ADGRB1: variants seen among roughly 807,000 people sequenced by gnomAD.
ADGRB1 encodes the protein adhesion G protein-coupled receptor B1.
In ADGRB1, 36 loss-of-function variants were observed where a neutral mutation model predicts 175.7. The ratio of observed to expected loss-of-function variants is 0.20; its 90% CI spans 0.16 to 0.27. The LOEUF is 0.27. ADGRB1 is among the 10% of genes least tolerant of loss of function. The probability of loss-of-function intolerance (pLI) is 1.00; values close to 1 mark genes in which losing one functional copy is unlikely to be tolerated. For synonymous variants in ADGRB1, 1,054 were observed against 979.4 expected (o/e 1.08, Z -1.42); for missense variants, 1,731 against 2,255.3 (o/e 0.77, Z 4.71).
At chr8:142,491,099 G>T (rs567588317) in intron 17 of ADGRB1, among the ~76,000 whole-genome samples, 1 of 152,276 alleles carries the variant, frequency 6.6e-6, no homozygotes, top group East Asian at 1.9e-4. Flanking sequence ...CCTGCCACCT[G>T]CCCCCAGCCC....
At chr8:142,494,938 G>A (rs926189744) in intron 17 of ADGRB1, among the ~76,000 whole-genome samples, 11 of 152,088 alleles carry the variant, frequency 7.2e-5, no homozygotes, top group African/African-American at 1.4e-4. Context: ...TGCCCCTACC[G>A]TAGCCCATCC....
intron 24 of ADGRB1, among the ~76,000 whole-genome samples, chr8:142,532,277 CTCTG>C (rs1844667068): frequency 1.3e-5 from 2 of 152,222 alleles, no homozygotes; most frequent in African/African-American, 2.4e-5. Context: ...TCCTGCTGGC[CTCTG>C]TCTGTGTTCC....
At position 142,470,394 on chromosome 8, in the gene ADGRB1, C is replaced by T. The variant is rs182552070; in HGVS notation, c.785-5080C>T. 6.0e-3 allele frequency among the ~76,000 whole-genome samples: 913 copies of T among 151,730 alleles called. 8 individuals carry two copies. Among genetic ancestry groups the T allele is most frequent in the African/African-American group, 0.021 (858 of 41,400 alleles). ...GCCTGGGAGCAAGTGTGTGTGTCCT[C>T]GTGTGTGTGTGTGTCCCTATGTGTC... On this transcript the variant is annotated intron_variant, in intron 2 of 30. Coordinates refer to ENST00000517894, the MANE Select transcript of ADGRB1 (RefSeq NM_001702.3).
chr8:142,489,757 C>G (rs1248654950), intron 16 of ADGRB1, among the ~76,000 whole-genome samples: 1 of 152,172 alleles, frequency 6.6e-6, no homozygotes, highest in Non-Finnish European at 1.5e-5. Flanking sequence ...TGACTTCTGG[C>G]CCCCTAACGC....
At chr8:142,513,887 G>T (rs943046511) in intron 18 of ADGRB1, among the ~76,000 whole-genome samples, 1 of 152,074 alleles carries the variant, frequency 6.6e-6, no homozygotes, top group Non-Finnish European at 1.5e-5. Flanking sequence ...CGCAAGGCCT[G>T]GGGGGCTGCG....
At chr8:142,470,227 TC>T (rs1840583790) in intron 2 of ADGRB1, among the ~76,000 whole-genome samples, 1 of 151,994 alleles carries the variant, frequency 6.6e-6, no homozygotes, top group Admixed American at 6.6e-5. Flanking sequence ...CATCACTTCC[TC>T]CCCACTGCCT....
Position 142,464,131 on chromosome 8 carries a change from G to A in ADGRB1, c.-68G>A. ...CCGGCCCTGCCCGCCGCCGGACCCT[G>A]GCATGTCAAGACCTGGTCCGCGCCT... is the stretch of plus-strand genomic sequence containing the variant. On this transcript the variant is annotated 5_prime_UTR_variant, in exon 2 of 31. Coordinates refer to ENST00000517894, the MANE Select transcript of ADGRB1 (RefSeq NM_001702.3). 1 of 1,192,578 alleles carries A rather than the reference G, an allele frequency of 8.4e-7. No homozygotes were observed. Among genetic ancestry groups the A allele is most frequent in the Non-Finnish European group, 1.0e-6 (1 of 961,282 alleles). 73.9% of individuals were successfully genotyped at this position (1,192,578 alleles called of 1,614,324 possible).
chr8:142,490,895 G>A (rs975320735), intron 17 of ADGRB1, 80 bp downstream of exon 17: 95 of 1,506,174 alleles, frequency 6.3e-5, no homozygotes, highest in Non-Finnish European at 8.3e-5. Flanking sequence ...GAGGGGTGCA[G>A]GTTTCAGGTC....
intron 25 of ADGRB1, among the ~76,000 whole-genome samples, chr8:142,533,824 C>T (rs761420099): frequency 1.3e-5 from 2 of 152,210 alleles, no homozygotes; most frequent in Admixed American, 6.5e-5. Context: ...CTCCTGCTTC[C>T]GGCGTTTTCT....
intron 17 of ADGRB1, among the ~76,000 whole-genome samples, chr8:142,498,951 G>A (rs923899993): frequency 2.6e-5 from 4 of 152,268 alleles, no homozygotes; most frequent in Non-Finnish European, 4.4e-5. Flanking sequence ...CGGGGCCCCA[G>A]CCTCTCTCTC....
At chr8:142,450,798 G>A (rs1236087686) in intron 1 of ADGRB1, among the ~76,000 whole-genome samples, 2 of 152,088 alleles carry the variant, frequency 1.3e-5, no homozygotes, top group Non-Finnish European at 2.9e-5. Context: ...CTATTTTTGC[G>A]CCCCCCACCC....
Position 142,477,506 on chromosome 8 carries a change from C to A in ADGRB1, c.1344C>A (p.Gly448=). 6.2e-7 allele frequency: 1 copy of A among 1,613,212 alleles called. No homozygotes were observed. The highest frequency in any genetic ancestry group is 2.2e-5 in the East Asian group (1 of 44,872). Reference sequence around the variant, plus strand: ...AGTTTGGGGGCAACCCCTGTGAGGGCCCTGAGAAGCAAACCAAGTTCTGCA... The same window carrying A: ...AGTTTGGGGGCAACCCCTGTGAGGGACCTGAGAAGCAAACCAAGTTCTGCA... ...PPQFGGNPCE[G]PEKQTKFCNI... is the part of the protein sequence containing the mutation. The change falls in exon 6 of 31, where the codon GGC becomes GGA. Residue 448 remains glycine (G), a synonymous_variant. Coordinates refer to ENST00000517894, the MANE Select transcript of ADGRB1 (RefSeq NM_001702.3).
chr8:142,483,327 ACCCTGACCCTGGTCACACTGAG>A (rs1841475997), intron 11 of ADGRB1, among the ~76,000 whole-genome samples: 2 of 54,576 alleles, frequency 3.7e-5, no homozygotes, highest in African/African-American at 1.2e-4. Flanking sequence ...CACATGCTGA[ACCCTGACCCTGGTCACACTGAG>A]CCCTGACCCT....
At chr8:142,452,945 C>T (rs1461784106) in intron 1 of ADGRB1, among the ~76,000 whole-genome samples, 1 of 147,772 alleles carries the variant, frequency 6.8e-6, no homozygotes, top group African/African-American at 2.4e-5. Context: ...CCCGCGCGGC[C>T]CTGCCCGCCC....
rs1235224806 is a variant in ADGRB1, at chr8:142,504,911, T to C, written c.2676-6021T>C. ...GCCCACTCCTGGCTTCTTTCTGTTA[T>C]GTGGGAGGACACCCTGTGAGTCATT... On this transcript the variant is annotated intron_variant, in intron 17 of 30. Coordinates refer to ENST00000517894, the MANE Select transcript of ADGRB1 (RefSeq NM_001702.3). This position sits in a 1 kb window ranked among gnomAD's most constrained non-coding sequence, Gnocchi z 5.6. 6.6e-6 allele frequency among the ~76,000 whole-genome samples: 1 copy of C among 152,134 alleles called. No homozygotes were observed. Among genetic ancestry groups the C allele is most frequent in the African/African-American group, 2.4e-5 (1 of 41,410 alleles).
At chr8:142,451,246 C>G (rs1839333106) in intron 1 of ADGRB1, among the ~76,000 whole-genome samples, 1 of 152,216 alleles carries the variant, frequency 6.6e-6, no homozygotes, top group African/African-American at 2.4e-5. Context: ...CTCCTCCTGG[C>G]CGCGGCGGCT....
At position 142,502,932 on chromosome 8, in the gene ADGRB1, G is replaced by A. The variant is rs369943006; in HGVS notation, c.2676-8000G>A. 7.9e-5 allele frequency among the ~76,000 whole-genome samples: 12 copies of A among 151,660 alleles called. No homozygotes were observed. In the East Asian group the frequency reaches 1.4e-3, roughly 17 times the overall value. The stretch of plus-strand genomic sequence containing the variant: ...GTGATGATTGTGGTGTGATGAAGGC[G>A]GATGGTATTGTTGGTAGTGGTGGTG... On this transcript the variant is annotated intron_variant, in intron 17 of 30. Coordinates refer to ENST00000517894, the MANE Select transcript of ADGRB1 (RefSeq NM_001702.3).
chr8:142,463,427 C>G (rs905310259), intron 1 of ADGRB1, among the ~76,000 whole-genome samples: 2 of 152,250 alleles, frequency 1.3e-5, no homozygotes, highest in African/African-American at 4.8e-5. Context: ...GGGGGCCAGA[C>G]GGGAGGCTGG....
At chr8:142,508,643 G>T (rs1842945318) in intron 17 of ADGRB1, among the ~76,000 whole-genome samples, 1 of 152,214 alleles carries the variant, frequency 6.6e-6, no homozygotes, top group Non-Finnish European at 1.5e-5. Context: ...GGCCGCCATC[G>T]CAGTGGCTGG....
Sources: allele counts gnomAD v4.1 joint callset (sites outside exome capture counted in the v4.1 genomes callset), GRCh38; gene constraint gnomAD v4.1.1; non-coding constraint Gnocchi (gnomAD v3.1); transcripts MANE v1.5; gene names NCBI Gene and HGNC (gene_info 2026-07-23, HGNC 2026-07-21).